Variants in STK24 observed in about 807,000 individuals in gnomAD.
STK24 encodes the protein serine/threonine kinase 24, also known as serine/threonine-protein kinase 24.
In STK24, 21 loss-of-function variants were observed where a neutral mutation model predicts 55.6. The observed-to-expected ratio is 0.38, with a 90% CI of 0.27 to 0.54. The LOEUF (loss-of-function observed/expected upper bound fraction) is 0.54. Ranked by LOEUF, STK24 falls within the 20% of genes least tolerant of loss-of-function variation. The pLI is 0.79. For missense variants in STK24, 383 were observed against 538.4 expected, an observed-to-expected ratio of 0.71 and a Z score of 2.86; for synonymous variants, 200 against 215.2, an observed-to-expected ratio of 0.93 and a Z score of 0.62.
intron 1 of STK24, among the ~76,000 whole-genome samples, chr13:98,566,301 C>CAGCT (rs1430291981): frequency 6.6e-6 from 1 of 152,216 alleles, no homozygotes; most frequent in Non-Finnish European, 1.5e-5. Flanking sequence ...GCCCTGAACT[C>CAGCT]AGCTGTTTCA....
intron 10 of STK24, 159 bp downstream of exon 10, chr13:98,457,009 T>A: frequency 1.1e-6 from 1 of 883,086 alleles, no homozygotes; most frequent in Non-Finnish European, 1.7e-6. Context: ...ATTTCTAGAA[T>A]TCAGAACAAA....
chr13:98,483,814 G>A lies in STK24; in HGVS notation c.274-1493C>T, dbSNP rs1247420922. On this transcript the variant is annotated intron_variant, in intron 2 of 10. Coordinates refer to ENST00000539966, the MANE Select transcript of STK24 (RefSeq NM_001032296.4). ...TAACTCGTGTTGACTCTAGGGAGGCGCTAACGGTAAGATGCACTGCATTTA... is the reference window on the plus strand; with the variant it reads ...TAACTCGTGTTGACTCTAGGGAGGCACTAACGGTAAGATGCACTGCATTTA... Among the ~76,000 whole-genome samples, 24 of 152,260 alleles carry A rather than the reference G, an allele frequency of 1.6e-4. No homozygotes were observed. In the East Asian group the frequency reaches 4.0e-3, roughly 26 times the overall value.
chr13:98,511,880 C>A lies in STK24; in HGVS notation c.273+7363G>T, dbSNP rs1337231506. ...TGTTACAACACATAGGACTATACAT[C>A]CAAGAGTGAGTTTTACAGTAATTTT... On this transcript the variant is annotated intron_variant, in intron 2 of 10. Transcript: ENST00000539966. Among the ~76,000 whole-genome samples the A allele has an allele frequency of 1.1e-4, 17 of 150,422 alleles. No individual in the cohort carries two copies. The South Asian group carries it at 2.7e-3, about 24-fold the overall frequency.
At chr13:98,463,601 T>A in intron 7 of STK24, 90 bp downstream of exon 7, 9 of 1,389,028 alleles carry the variant, frequency 6.5e-6, no homozygotes, top group Non-Finnish European at 8.6e-6. Context: ...AAAAAAAAAC[T>A]CAACAGAAAA....
At chr13:98,460,735 T>G (rs1893668658) in intron 8 of STK24, among the ~76,000 whole-genome samples, 1 of 152,150 alleles carries the variant, frequency 6.6e-6, no homozygotes, top group Admixed American at 6.5e-5. Flanking sequence ...CTCGTCTTGC[T>G]ATCTACGCAG....
At chr13:98,562,868 A>T (rs541517587) in intron 1 of STK24, among the ~76,000 whole-genome samples, 1 of 150,720 alleles carries the variant, frequency 6.6e-6, no homozygotes, top group Non-Finnish European at 1.5e-5. Flanking sequence ...GTGAGCCAAG[A>T]TCACACCACT....
At chr13:98,462,075 T>C (rs1893731324) in intron 7 of STK24, among the ~76,000 whole-genome samples, 178 bp from the exon 8 acceptor site, 1 of 151,078 alleles carries the variant, frequency 6.6e-6, no homozygotes, top group African/African-American at 2.5e-5. Context: ...CCCCGCCTCC[T>C]CCCTCACAGA....
chr13:98,518,685 A>G (rs1426701842), intron 2 of STK24, among the ~76,000 whole-genome samples: 1 of 152,236 alleles, frequency 6.6e-6, no homozygotes, highest in Non-Finnish European at 1.5e-5. Flanking sequence ...TCCCACTTAA[A>G]GAACAGAGTG....
At chr13:98,456,584 G>A (rs1427495300) in intron 10 of STK24, 10 of 486,198 alleles carry the variant, frequency 2.1e-5, no homozygotes, top group Non-Finnish European at 3.4e-5. Context: ...GGAGGGGGCA[G>A]GGAGGGCAAA....
chr13:98,492,384 C>T (rs1297800359), intron 2 of STK24, among the ~76,000 whole-genome samples: 1 of 152,052 alleles, frequency 6.6e-6, no homozygotes, highest in Non-Finnish European at 1.5e-5. Flanking sequence ...AGGGGCTGGC[C>T]CAAAGAGGGC....
In STK24 at chr13:98,489,754, C is replaced by A. The variant is rs146508174; in HGVS notation, c.274-7433G>T. Among the ~76,000 whole-genome samples, 903 of 152,286 alleles carry A rather than the reference C, an allele frequency of 5.9e-3. 36 individuals carry two copies. Among genetic ancestry groups the A allele is most frequent in the Admixed American group, 0.047 (716 of 15,294 alleles). On this transcript the variant is annotated intron_variant, in intron 2 of 10. Coordinates refer to ENST00000539966, the MANE Select transcript of STK24 (RefSeq NM_001032296.4). ...AGAAGAGGAGGAAAAATCCTGTTCG[C>A]AGAGGGCAGCTAGGAATGAGAGGGA...
intron 1 of STK24, among the ~76,000 whole-genome samples, chr13:98,549,458 T>C (rs1897108948): frequency 6.6e-6 from 1 of 152,178 alleles, no homozygotes. Flanking sequence ...ATCCCCAGTG[T>C]TGGAGGTGGG....
intron 2 of STK24, among the ~76,000 whole-genome samples, chr13:98,487,106 G>A (rs1894837531): frequency 6.6e-6 from 1 of 152,152 alleles, no homozygotes; most frequent in Non-Finnish European, 1.5e-5. Flanking sequence ...GCAAAATGAA[G>A]CCTGGTACAA....
In STK24 at chr13:98,445,758, A is replaced by AC; in HGVS notation, c.*7414dup. 1 of 177,900 alleles carries AC rather than the reference A, an allele frequency of 5.6e-6. No homozygotes were observed. Among genetic ancestry groups the AC allele is most frequent in the Non-Finnish European group, 1.2e-5 (1 of 83,870 alleles). The allele number at this position is 177,900 out of a possible 1,614,324, so 11.0% of individuals were successfully genotyped here. A position where few individuals can be genotyped will look rare whatever the true frequency, so the allele number is the denominator to read the frequency against. On this transcript the variant is annotated 3_prime_UTR_variant, in exon 11 of 11. Coordinates refer to ENST00000539966, the MANE Select transcript of STK24 (RefSeq NM_001032296.4). ...ACCACTCCCGTTGGATTTAGGGCCC[A>AC]CCCTACCCCAGTGTGATCTCGTCTT...
Position 98,447,156 on chromosome 13 carries a change from C to A in STK24, c.*6017G>T. Reference sequence around the variant, plus strand: ...GGCAGGGACTGCAGACTTCATTTAGCCAAGAAAGAAATGCAACAGTCAGGC... The same window carrying A: ...GGCAGGGACTGCAGACTTCATTTAGACAAGAAAGAAATGCAACAGTCAGGC... On this transcript the variant is annotated 3_prime_UTR_variant, in exon 11 of 11. Transcript: ENST00000539966. 4.7e-6 allele frequency: 1 copy of A among 213,062 alleles called. No individual in the cohort carries two copies. The allele number at this position is 213,062 out of a possible 1,614,324, so 13.2% of individuals were successfully genotyped here. A position where few individuals can be genotyped will look rare whatever the true frequency, so the allele number is the denominator to read the frequency against.
At chr13:98,486,279 G>A (rs1277844168) in intron 2 of STK24, among the ~76,000 whole-genome samples, 1 of 151,990 alleles carries the variant, frequency 6.6e-6, no homozygotes, top group African/African-American at 2.4e-5. Context: ...ATACATGTGG[G>A]CCGCACTCGC....
chr13:98,486,232 GAC>G (rs1894802809), intron 2 of STK24, among the ~76,000 whole-genome samples: 1 of 151,526 alleles, frequency 6.6e-6, no homozygotes, highest in African/African-American at 2.4e-5. Flanking sequence ...AGAAAAAGGG[GAC>G]AGAGTGAAGG....
intron 1 of STK24, among the ~76,000 whole-genome samples, chr13:98,529,092 C>G (rs1335290796): frequency 6.6e-6 from 1 of 152,140 alleles, no homozygotes; most frequent in Non-Finnish European, 1.5e-5. Flanking sequence ...TACCTGTTGG[C>G]CTGTCTGGCG....
intron 2 of STK24, among the ~76,000 whole-genome samples, chr13:98,503,024 G>GTTTTGTTTTTTTTT (rs1555306357): frequency 1.9e-5 from 2 of 107,084 alleles, no homozygotes; most frequent in Admixed American, 1.0e-4. Context: ...CTTTCCATGT[G>GTTTTGTTTTTTTTT]TTTTTTTTTT....
Sources: allele counts gnomAD v4.1 joint callset (sites outside exome capture counted in the v4.1 genomes callset), GRCh38; gene constraint gnomAD v4.1.1; transcripts MANE v1.5; gene names NCBI Gene and HGNC (gene_info 2026-07-23, HGNC 2026-07-21).